GMDS: variants seen among roughly 807,000 people sequenced by gnomAD.
GMDS encodes GDP-mannose 4,6 dehydratase.
In GMDS, 20 loss-of-function variants were observed where a neutral mutation model predicts 49.9. The ratio of observed to expected loss-of-function variants is 0.40; its 90% CI spans 0.28 to 0.58. The LOEUF (loss-of-function observed/expected upper bound fraction) is 0.58. Among genes scored for constraint, GMDS ranks in the 20% least tolerant of loss-of-function variants. The pLI, the probability that GMDS is intolerant of heterozygous loss-of-function variation, is 0.42. For missense variants in GMDS, 362 were observed against 481.4 expected (o/e 0.75, Z 2.32); for synonymous variants, 177 against 178.6 (o/e 0.99, Z 0.07).
At chr6:1,770,304 A>G (rs1037554408) in intron 7 of GMDS, among the ~76,000 whole-genome samples, 3 of 152,260 alleles carry the variant, frequency 2.0e-5, no homozygotes, top group Admixed American at 6.5e-5. Context: ...TTCAGAGAGA[A>G]AGCCACAATT....
chr6:2,078,644 G>A (rs556179605), intron 4 of GMDS, among the ~76,000 whole-genome samples: 7 of 151,992 alleles, frequency 4.6e-5, no homozygotes, highest in African/African-American at 9.6e-5. Flanking sequence ...ATGATCTTGC[G>A]TTTTAAAAAA....
chr6:2,181,099 C>T (rs141220504), intron 1 of GMDS, among the ~76,000 whole-genome samples: 5 of 142,200 alleles, frequency 3.5e-5, no homozygotes, highest in East Asian at 4.3e-4. Context: ...GGCATGAACC[C>T]GGGTGGTGGA....
chr6:2,002,909 T>A (rs1013212487), intron 4 of GMDS, among the ~76,000 whole-genome samples: 2 of 152,162 alleles, frequency 1.3e-5, no homozygotes, highest in Admixed American at 6.6e-5. Context: ...CTTACATGGG[T>A]GTGGAAAAGT....
At chr6:1,910,650 AC>A (rs1193247841) in intron 7 of GMDS, among the ~76,000 whole-genome samples, 1 of 152,186 alleles carries the variant, frequency 6.6e-6, no homozygotes, top group African/African-American at 2.4e-5. Context: ...AACATACAGC[AC>A]AGCAGACGCT....
At chr6:2,167,123 G>A (rs1023389249) in intron 1 of GMDS, among the ~76,000 whole-genome samples, 3 of 152,074 alleles carry the variant, frequency 2.0e-5, no homozygotes, top group South Asian at 4.1e-4. Context: ...TGACTTCCTA[G>A]ATACCTAATT....
At chr6:1,708,145 C>A (rs963145133) in intron 9 of GMDS, among the ~76,000 whole-genome samples, 4 of 152,156 alleles carry the variant, frequency 2.6e-5, no homozygotes, top group African/African-American at 4.8e-5. Flanking sequence ...CTTGTCCACA[C>A]CCTCCTGGGG....
intron 4 of GMDS, among the ~76,000 whole-genome samples, chr6:2,022,428 A>G (rs1044617679): frequency 7.2e-5 from 11 of 152,312 alleles, no homozygotes; most frequent in Non-Finnish European, 1.6e-4. Flanking sequence ...CGTGAGATTC[A>G]TGAGATTAAG....
At chr6:1,966,314 C>G (rs1421722972) in intron 4 of GMDS, among the ~76,000 whole-genome samples, 2 of 145,598 alleles carry the variant, frequency 1.4e-5, no homozygotes, top group Admixed American at 6.9e-5. Context: ...GCATGCAGAC[C>G]AAGTTAACAG....
intron 4 of GMDS, among the ~76,000 whole-genome samples, chr6:1,997,618 G>C (rs1581486273): frequency 1.3e-5 from 2 of 152,106 alleles, no homozygotes; most frequent in East Asian, 3.9e-4. Context: ...CCCTGTGGTG[G>C]CTTCCTAAAG....
At chr6:2,222,935 C>T (rs1027026808) in intron 1 of GMDS, among the ~76,000 whole-genome samples, 6 of 152,054 alleles carry the variant, frequency 3.9e-5, no homozygotes, top group Non-Finnish European at 7.4e-5. Flanking sequence ...GGGCTTCATC[C>T]ACTCAAAGAC....
At chr6:2,076,112 T>C (rs1421465351) in intron 4 of GMDS, among the ~76,000 whole-genome samples, 1 of 152,222 alleles carries the variant, frequency 6.6e-6, no homozygotes, top group Non-Finnish European at 1.5e-5. Flanking sequence ...TTGTTTTTTC[T>C]TCTAAATTTG....
intron 7 of GMDS, among the ~76,000 whole-genome samples, chr6:1,800,525 C>A (rs1048489482): frequency 6.6e-6 from 1 of 152,156 alleles, no homozygotes; most frequent in Non-Finnish European, 1.5e-5. Context: ...CAACCTCCGC[C>A]TCCTGGGTTC....
chr6:1,907,015 T>G (rs1760811544), intron 7 of GMDS, among the ~76,000 whole-genome samples: 1 of 152,186 alleles, frequency 6.6e-6, no homozygotes, highest in African/African-American at 2.4e-5. Context: ...AGAACTCAGA[T>G]GCACTGCAAA....
At chr6:2,058,557 T>C (rs559884087) in intron 4 of GMDS, among the ~76,000 whole-genome samples, 1 of 152,036 alleles carries the variant, frequency 6.6e-6, no homozygotes, top group East Asian at 1.9e-4. Flanking sequence ...TCTTGAGAGG[T>C]AGAGAGTTCC....
At chr6:2,166,269 C>T (rs932331121) in intron 1 of GMDS, among the ~76,000 whole-genome samples, 2 of 152,124 alleles carry the variant, frequency 1.3e-5, no homozygotes, top group Non-Finnish European at 2.9e-5. Context: ...ACTGAAACTC[C>T]ATAAAGTAAC....
chr6:1,869,449 G>A (rs1472686627), intron 7 of GMDS, among the ~76,000 whole-genome samples: 4 of 152,096 alleles, frequency 2.6e-5, no homozygotes, highest in African/African-American at 9.7e-5. Flanking sequence ...AGGGTGGCAT[G>A]GGGTCATTCT....
chr6:1,650,043 G>A (rs1400259164), intron 9 of GMDS, among the ~76,000 whole-genome samples: 1 of 152,186 alleles, frequency 6.6e-6, no homozygotes, highest in African/African-American at 2.4e-5. Flanking sequence ...GGCAAGCAAC[G>A]ACTTCCACGG....
At chr6:2,158,418 T>C (rs549111651) in intron 1 of GMDS, among the ~76,000 whole-genome samples, 1 of 152,274 alleles carries the variant, frequency 6.6e-6, no homozygotes, top group African/African-American at 2.4e-5. Context: ...AGCATAAATA[T>C]GTGACAACTG....
intron 4 of GMDS, among the ~76,000 whole-genome samples, chr6:2,041,532 G>C (rs1441613685): frequency 6.6e-6 from 1 of 152,108 alleles, no homozygotes; most frequent in Non-Finnish European, 1.5e-5. Flanking sequence ...GAACTGTTTC[G>C]ACTTTTAAAA....
Sources: gnomAD v4.1 joint callset for allele counts (sites outside exome capture counted in the v4.1 genomes callset) on GRCh38, gnomAD v4.1.1 for gene constraint, MANE v1.5 for transcripts, NCBI Gene and HGNC (gene_info 2026-07-23, HGNC 2026-07-21) for gene names.